XYLB: variants seen among roughly 807,000 people sequenced by gnomAD.
XYLB encodes xylulose kinase.
XYLB carries 62 observed loss-of-function variants against 78.7 expected under a neutral mutation model. That is an observed-to-expected ratio of 0.79 (90% CI 0.64 to 0.97). The LOEUF (loss-of-function observed/expected upper bound fraction) is 0.97. XYLB is among the 50% of genes least tolerant of loss of function. The pLI is 0.00. For missense variants in XYLB, 687 were observed against 676.8 expected, an observed-to-expected ratio of 1.02 and a Z score of -0.17; for synonymous variants, 245 against 247.4, an observed-to-expected ratio of 0.99 and a Z score of 0.09.
chr3:38,432,962 G>A, the XYLB span, among the ~76,000 whole-genome samples: 3 of 152,362 alleles, frequency 2.0e-5, no homozygotes, highest in South Asian at 6.2e-4. Flanking sequence ...CAGTGCCCCA[G>A]TGGGAACTCT....
At position 38,395,624 on chromosome 3, in the gene XYLB, C is replaced by T. The variant is rs999671306; in HGVS notation, c.1350+61C>T. On this transcript the variant is annotated intron_variant, in intron 16 of 18. Coordinates refer to ENST00000207870, the MANE Select transcript of XYLB (RefSeq NM_005108.4). ...TCCCATATCTGTTATGTCTAAGAGC[C>T]AGAGACTGGATAGGAAGGACAGCCT... 356 of 1,556,562 alleles carry T rather than the reference C, an allele frequency of 2.3e-4. 2 individuals carry two copies. The highest frequency in any genetic ancestry group is 2.0e-3 in the Middle Eastern group (12 of 5,958).
the XYLB span, among the ~76,000 whole-genome samples, chr3:38,431,022 T>C: frequency 6.6e-6 from 1 of 152,222 alleles, no homozygotes; most frequent in Non-Finnish European, 1.5e-5. Flanking sequence ...TGCTTAGGAT[T>C]GTCTTGGCAA....
Position 38,400,976 on chromosome 3 carries a change from A to C in XYLB, c.1524A>C (p.Gly508=), listed in dbSNP as rs1305815030. 6.2e-7 allele frequency: 1 copy of C among 1,614,166 alleles called. No homozygotes were observed. Among genetic ancestry groups the C allele is most frequent in the Admixed American group, 1.7e-5 (1 of 60,008 alleles). ...GACTAGCTGCTACCCCAAGCCCGGG[A>C]GCTTCTCAGGTGAGAGACCATCGGA... is the stretch of plus-strand genomic sequence containing the variant. ...NPRLAATPSP[G]ASQVYEALLP... is the part of the protein sequence containing the mutation. Residue 508 remains glycine, a synonymous_variant, in exon 18 of 19, where the codon GGA becomes GGC. Transcript: ENST00000207870.
intron 9 of XYLB, among the ~76,000 whole-genome samples, chr3:38,370,641 G>T (rs919886756): frequency 1.3e-5 from 2 of 152,172 alleles, no homozygotes; most frequent in Non-Finnish European, 2.9e-5. Flanking sequence ...TTTGTGTCTC[G>T]GTTTCCTCAT....
the XYLB span, among the ~76,000 whole-genome samples, chr3:38,431,875 A>G: frequency 2.0e-5 from 3 of 152,298 alleles, no homozygotes; most frequent in South Asian, 2.1e-4. Flanking sequence ...TTAGAACAGC[A>G]TGGGGAAACT....
chr3:38,447,932 A>T, the XYLB span, among the ~76,000 whole-genome samples: 2 of 152,162 alleles, frequency 1.3e-5, no homozygotes, highest in Non-Finnish European at 2.9e-5. Flanking sequence ...AAAGAATGAA[A>T]TTGGCCAGGC....
At chr3:38,388,099 G>A (rs1010437426) in intron 15 of XYLB, among the ~76,000 whole-genome samples, 6 of 150,872 alleles carry the variant, frequency 4.0e-5, no homozygotes, top group Admixed American at 3.3e-4. Context: ...TAAATAAATA[G>A]CTAATGTTTA....
At chr3:38,393,776 C>G (rs893844458) in intron 15 of XYLB, among the ~76,000 whole-genome samples, 1 of 152,114 alleles carries the variant, frequency 6.6e-6, no homozygotes, top group Non-Finnish European at 1.5e-5. Context: ...ATCAGTCATA[C>G]TGGATTAGGG....
intron 15 of XYLB, among the ~76,000 whole-genome samples, chr3:38,384,479 G>C (rs1707293956): frequency 6.6e-6 from 1 of 152,244 alleles, no homozygotes; most frequent in South Asian, 2.1e-4. Flanking sequence ...TTCACGGCCA[G>C]CGATGAAGAT....
At chr3:38,393,141 C>A (rs1320494504) in intron 15 of XYLB, among the ~76,000 whole-genome samples, 1 of 151,872 alleles carries the variant, frequency 6.6e-6, no homozygotes, top group Non-Finnish European at 1.5e-5. Flanking sequence ...TCTCTGTACT[C>A]CCTTTCATTT....
intron 9 of XYLB, among the ~76,000 whole-genome samples, chr3:38,370,930 G>A (rs1706523936): frequency 6.6e-6 from 1 of 152,070 alleles, no homozygotes; most frequent in Admixed American, 6.6e-5. Context: ...CCTTTGGTGG[G>A]AAATGCTTAC....
chr3:38,391,854 C>T (rs976752259), intron 15 of XYLB, among the ~76,000 whole-genome samples: 2 of 152,168 alleles, frequency 1.3e-5, no homozygotes, highest in African/African-American at 4.8e-5. Context: ...AAGAATTATC[C>T]AACCCAAAAT....
chr3:38,374,136 G>A (rs1457071845), intron 10 of XYLB, among the ~76,000 whole-genome samples: 3 of 152,086 alleles, frequency 2.0e-5, no homozygotes, highest in African/African-American at 7.2e-5. Context: ...TTTCTTTGCT[G>A]TATATCCTTG....
At chr3:38,437,659 C>T in the XYLB span, among the ~76,000 whole-genome samples, 3 of 152,132 alleles carry the variant, frequency 2.0e-5, no homozygotes, top group Non-Finnish European at 4.4e-5. Context: ...AGAAGGCAAT[C>T]CCAGCCAGGT....
At chr3:38,441,408 G>A in the XYLB span, among the ~76,000 whole-genome samples, 4 of 152,150 alleles carry the variant, frequency 2.6e-5, no homozygotes. Context: ...TATCTTATTA[G>A]CCACAAATGA....
chr3:38,404,076 A>G (rs1708220436), intron 18 of XYLB, among the ~76,000 whole-genome samples: 1 of 152,200 alleles, frequency 6.6e-6, no homozygotes, highest in Non-Finnish European at 1.5e-5. Flanking sequence ...AACTCAAAGC[A>G]GTAAGAATGT....
chr3:38,452,748 CATA>C, the XYLB span: 1 of 152,128 alleles, frequency 6.6e-6, no homozygotes, highest in Non-Finnish European at 1.5e-5. Flanking sequence ...TGAACATTTA[CATA>C]ATATTTTGTT....
chr3:38,355,237 G>A (rs1429630853), intron 2 of XYLB, among the ~76,000 whole-genome samples: 1 of 152,222 alleles, frequency 6.6e-6, no homozygotes, highest in African/African-American at 2.4e-5. Context: ...TGGAGAGTTG[G>A]ACATATGTGG....
chr3:38,395,706 C>G (rs1461325344), intron 16 of XYLB, 143 bp downstream of exon 16: 4 of 840,760 alleles, frequency 4.8e-6, no homozygotes, highest in Non-Finnish European at 7.8e-6. Context: ...GGAAGCAGCT[C>G]TGTTGCCTTA....
Sources: allele counts gnomAD v4.1 joint callset (sites outside exome capture counted in the v4.1 genomes callset), GRCh38; gene constraint gnomAD v4.1.1; transcripts MANE v1.5; gene names NCBI Gene and HGNC (gene_info 2026-07-23, HGNC 2026-07-21).